The following STRA6 variants were observed in gnomAD, a reference collection of about 807,000 sequenced individuals.
The protein encoded by STRA6 is receptor for retinol uptake STRA6.
Under a neutral mutation model 83.6 loss-of-function variants are expected in STRA6, and 48 were observed. That is an observed-to-expected ratio of 0.57 (90% CI 0.46 to 0.73). STRA6 has a LOEUF of 0.73. STRA6 is among the 30% of genes least tolerant of loss of function. The probability of loss-of-function intolerance (pLI) is 0.00; values close to 1 mark genes in which losing one functional copy is unlikely to be tolerated. For synonymous variants in STRA6, 353 were observed against 362.3 expected, an observed-to-expected ratio of 0.97 and a Z score of 0.29; for missense variants, 760 against 838.8, an observed-to-expected ratio of 0.91 and a Z score of 1.16.
chr15:74,193,031 G>C (rs575731845), intron 8 of STRA6, among the ~76,000 whole-genome samples: 1 of 152,204 alleles, frequency 6.6e-6, no homozygotes, highest in Non-Finnish European at 1.5e-5. Context: ...AGGCTTTTTA[G>C]TGAGATTGAA....
At chr15:74,203,554 G>A (rs1450833487), upstream of STRA6, among the ~76,000 whole-genome samples, 2 of 152,208 alleles carry the variant, frequency 1.3e-5, no homozygotes, top group African/African-American at 2.4e-5. Flanking sequence ...AAGGGGCTTC[G>A]GCTTGGACCC....
At position 74,179,852 on chromosome 15, in the gene STRA6, C is replaced by T; in HGVS notation, c.*228G>A. ...CTCCTGGACCAAGGCCCTAACCCAC[C>T]AGTTTCTTTCTCCAGAACCCCTGCT... On this transcript the variant is annotated 3_prime_UTR_variant, in exon 19 of 19. Coordinates refer to ENST00000395105, the MANE Select transcript of STRA6 (RefSeq NM_022369.4). The T allele has an allele frequency of 1.7e-6, 1 of 579,348 alleles. No individual in the cohort carries two copies. The highest frequency in any genetic ancestry group is 3.0e-6 in the Non-Finnish European group (1 of 332,386). The allele number at this position is 579,348 out of a possible 1,614,324, so 35.9% of individuals were successfully genotyped here.
chr15:74,206,459 T>C (rs575338239), upstream of STRA6, among the ~76,000 whole-genome samples: 6 of 152,194 alleles, frequency 3.9e-5, no homozygotes, highest in Admixed American at 3.9e-4. Context: ...CAAGAAGTGT[T>C]AGGAAGAGAA....
Position 74,196,078 on chromosome 15 carries a change from G to A in STRA6, c.336C>T (p.Ser112=), listed in dbSNP as rs144978258. 1.9e-5 allele frequency: 31 copies of A among 1,613,956 alleles called. No individual in the cohort carries two copies. The African/African-American group carries it at 3.7e-4, about 19-fold the overall frequency. The change falls in exon 5 of 19, where the codon AGC becomes AGT. Residue 112 remains serine, a synonymous_variant. Transcript: ENST00000395105. ...CGTCGGGGAGCAGCAAACACAGGGAGCTCAGGAGGACCATGAAAACAGCAG... is the reference window on the plus strand; with the variant it reads ...CGTCGGGGAGCAGCAAACACAGGGAACTCAGGAGGACCATGAAAACAGCAG... The part of the protein sequence containing the change: ...VPAAVFMVLL[S]SLCLLLPDED...
upstream of STRA6, among the ~76,000 whole-genome samples, chr15:74,204,639 A>G (rs1284382035): frequency 6.6e-6 from 1 of 152,208 alleles, no homozygotes; most frequent in African/African-American, 2.4e-5. Flanking sequence ...CCTATCAGAA[A>G]CCATGCCCTT....
upstream of STRA6, among the ~76,000 whole-genome samples, chr15:74,205,436 A>T (rs555905869): frequency 3.9e-5 from 6 of 152,262 alleles, no homozygotes; most frequent in South Asian, 1.2e-3. Flanking sequence ...AGGGAGCAGG[A>T]GAGATGCCAG....
At position 74,179,815 on chromosome 15, in the gene STRA6, T is replaced by C; in HGVS notation, c.*265A>G. The C allele has an allele frequency of 8.6e-6, 4 of 467,034 alleles. No individual in the cohort carries two copies. Among genetic ancestry groups the C allele is most frequent in the Non-Finnish European group, 7.7e-6 (2 of 259,200 alleles). 28.9% of individuals were successfully genotyped at this position (467,034 alleles called of 1,614,324 possible). On this transcript the variant is annotated 3_prime_UTR_variant, in exon 19 of 19. Coordinates refer to ENST00000395105, the MANE Select transcript of STRA6 (RefSeq NM_022369.4). ...GGGAGACGCCTGGATGTGGCTGCCC[T>C]GGCTCAACTGGCTCCTGGACCAAGG...
At chr15:74,197,496 C>T in intron 3 of STRA6, 73 bp from the exon 4 acceptor site, 1 of 1,330,838 alleles carries the variant, frequency 7.5e-7, no homozygotes, top group Non-Finnish European at 1.1e-6. Context: ...AGGGCTTGGA[C>T]TCAGGCCCCA....
intron 16 of STRA6, 75 bp downstream of exon 16, chr15:74,182,086 G>C (rs888367973): frequency 7.1e-6 from 9 of 1,261,918 alleles, no homozygotes; most frequent in Admixed American, 1.7e-5. Flanking sequence ...GCAGTGGAGG[G>C]AGGACACAAA....
intron 7 of STRA6, 97 bp from the exon 8 acceptor site, chr15:74,194,019 G>C: frequency 1.3e-6 from 2 of 1,567,100 alleles, no homozygotes; most frequent in Non-Finnish European, 1.7e-6. Context: ...TGGGCCCTGA[G>C]GGTGGTCTGG....
chr15:74,193,723 A>G, intron 8 of STRA6, 77 bp downstream of exon 8: 1 of 1,601,360 alleles, frequency 6.2e-7, no homozygotes, highest in Non-Finnish European at 8.5e-7. Flanking sequence ...ACGGCCATGT[A>G]TCTGGGACCA....
At chr15:74,199,889 G>A (rs1595860984) in intron 2 of STRA6, among the ~76,000 whole-genome samples, 2 of 152,194 alleles carry the variant, frequency 1.3e-5, no homozygotes, top group East Asian at 3.9e-4. Context: ...GGAGAACTTT[G>A]GGCAAAAGGA....
At chr15:74,197,291 T>C in intron 4 of STRA6, 47 bp downstream of exon 4, 1 of 1,392,192 alleles carries the variant, frequency 7.2e-7, no homozygotes. Flanking sequence ...AGAGGGACCC[T>C]GTCAGCTGGG....
Position 74,183,986 on chromosome 15 carries a change from G to A in STRA6, c.1170C>T (p.Thr390=), listed in dbSNP as rs2073119823. ...VLMRSLVTHR[T]NLRALHRGAA... is the part of the protein sequence containing the mutation. ...CTCCTCGGTGCAGAGCTCGAAGGTTGGTCCTGGGGTGGGAGCCAGGGAGGC... is the reference window on the plus strand; with the variant it reads ...CTCCTCGGTGCAGAGCTCGAAGGTTAGTCCTGGGGTGGGAGCCAGGGAGGC... Residue 390 remains threonine (T), a synonymous_variant, in exon 14 of 19, where the codon ACC becomes ACT. Coordinates refer to ENST00000395105, the MANE Select transcript of STRA6 (RefSeq NM_022369.4). The A allele has an allele frequency of 1.2e-6, 2 of 1,613,138 alleles. No individual in the cohort carries two copies. The highest frequency in any genetic ancestry group is 2.7e-5 in the African/African-American group (2 of 75,048).
At chr15:74,184,466 G>A (rs1408203732) in intron 13 of STRA6, among the ~76,000 whole-genome samples, 2 of 152,174 alleles carry the variant, frequency 1.3e-5, no homozygotes, top group African/African-American at 4.8e-5. Context: ...CCTGCCCTGG[G>A]CCTTCAGTGC....
Position 74,188,835 on chromosome 15 carries a change from T to C in STRA6, c.1090+280A>G, listed in dbSNP as rs760916691. Among the ~76,000 whole-genome samples, 2 of 151,984 alleles carry C rather than the reference T, an allele frequency of 1.3e-5. No individual in the cohort carries two copies. Among genetic ancestry groups the C allele is most frequent in the Non-Finnish European group, 2.9e-5 (2 of 67,992 alleles). On this transcript the variant is annotated intron_variant, in intron 12 of 18. Transcript: ENST00000395105. The surrounding 1 kb of genome is among the most constrained non-coding windows in gnomAD (Gnocchi z 4.5). ...CATCCCATGGCCTTCCTCATCTCCATGCCTGGATAGTTGGTCAGAGACACT... is the reference window on the plus strand; with the variant it reads ...CATCCCATGGCCTTCCTCATCTCCACGCCTGGATAGTTGGTCAGAGACACT...
chr15:74,205,163 C>T (rs2074232430), upstream of STRA6, among the ~76,000 whole-genome samples: 1 of 152,124 alleles, frequency 6.6e-6, no homozygotes. Context: ...CAGGGAAGGC[C>T]TCACTGAGAA....
chr15:74,196,765 C>G (rs961808074), intron 4 of STRA6, among the ~76,000 whole-genome samples: 1 of 152,206 alleles, frequency 6.6e-6, no homozygotes, highest in African/African-American at 2.4e-5. Flanking sequence ...CAGTCTGGGT[C>G]TGGGATGTGA....
chr15:74,190,421 C>T (rs60073665), intron 11 of STRA6, among the ~76,000 whole-genome samples: 2,700 of 148,430 alleles, frequency 0.018, 82 homozygotes, highest in African/African-American at 0.066. Flanking sequence ...TTGGTTTTTT[C>T]GGGGTTTTTT....
Sources: gnomAD v4.1 joint callset for allele counts (sites outside exome capture counted in the v4.1 genomes callset) on GRCh38, gnomAD v4.1.1 for gene constraint, Gnocchi (gnomAD v3.1) non-coding constraint, MANE v1.5 for transcripts, NCBI Gene and HGNC (gene_info 2026-07-23, HGNC 2026-07-21) for gene names.